Variants in MEF2A observed in about 807,000 individuals in gnomAD.
The protein encoded by MEF2A is myocyte enhancer factor 2A, also known as myocyte-specific enhancer factor 2A.
In MEF2A, 28 loss-of-function variants were observed where a neutral mutation model predicts 55.8. The observed-to-expected ratio is 0.50, with a 90% CI of 0.37 to 0.69. The LOEUF (loss-of-function observed/expected upper bound fraction) is 0.69, where lower values mean the gene tolerates loss of function less well. Among genes scored for constraint, MEF2A ranks in the 30% least tolerant of loss-of-function variants. The pLI, the probability that MEF2A is intolerant of heterozygous loss-of-function variation, is 0.00. For missense variants in MEF2A, 528 were observed against 626.2 expected (o/e 0.84, Z 1.67); for synonymous variants, 239 against 227.1 (o/e 1.05, Z -0.47).
At chr15:99,589,185 G>A (rs764056948) in intron 1 of MEF2A, among the ~76,000 whole-genome samples, 1 of 152,170 alleles carries the variant, frequency 6.6e-6, no homozygotes, top group Non-Finnish European at 1.5e-5. Context: ...AACCATCTTG[G>A]TTTGGAGTTT....
chr15:99,593,748 C>T (rs909473747), intron 1 of MEF2A, among the ~76,000 whole-genome samples: 1 of 152,142 alleles, frequency 6.6e-6, no homozygotes, highest in Admixed American at 6.5e-5. Context: ...TTCATTTAAC[C>T]ATTCCTACTA....
intron 1 of MEF2A, among the ~76,000 whole-genome samples, chr15:99,595,552 T>C (rs1970862442): frequency 6.6e-6 from 1 of 152,158 alleles, no homozygotes; most frequent in Middle Eastern, 3.2e-3. Flanking sequence ...TAGTAAAAAT[T>C]TTCCAAATGA....
At chr15:99,711,160 C>CT (rs973297459) in intron 11 of MEF2A, among the ~76,000 whole-genome samples, 2 of 152,234 alleles carry the variant, frequency 1.3e-5, no homozygotes, top group African/African-American at 4.8e-5. Context: ...GAAAGGCAGC[C>CT]TGTAGGCATT....
At chr15:99,570,289 C>G (rs1191754587) in intron 1 of MEF2A, among the ~76,000 whole-genome samples, 1 of 152,000 alleles carries the variant, frequency 6.6e-6, no homozygotes, top group Non-Finnish European at 1.5e-5. Flanking sequence ...AAATACCAAC[C>G]CGGGCATGTC....
chr15:99,678,815 A>G (rs1388415185), intron 7 of MEF2A: 6 of 382,784 alleles, frequency 1.6e-5, no homozygotes, highest in Non-Finnish European at 2.2e-5. Context: ...AGCACTGTAA[A>G]GAGAGTAAAA....
At chr15:99,583,258 G>A (rs34222295) in intron 1 of MEF2A, among the ~76,000 whole-genome samples, 9,150 of 152,148 alleles carry the variant, frequency 0.06, 351 homozygotes, top group East Asian at 0.17. Flanking sequence ...TTTAGAGTTT[G>A]CATTCCTCAA....
chr15:99,635,942 T>A (rs2043738165), intron 3 of MEF2A, among the ~76,000 whole-genome samples: 1 of 152,214 alleles, frequency 6.6e-6, no homozygotes, highest in African/African-American at 2.4e-5. Flanking sequence ...GTGCGGTTGC[T>A]GAGTCATAAG....
chr15:99,618,992 A>G (rs2040681005), intron 2 of MEF2A, among the ~76,000 whole-genome samples: 1 of 152,230 alleles, frequency 6.6e-6, no homozygotes, highest in Non-Finnish European at 1.5e-5. Context: ...CTACATTCCA[A>G]AGTATGAGCA....
intron 1 of MEF2A, among the ~76,000 whole-genome samples, chr15:99,589,305 C>G (rs1968468949): frequency 6.6e-6 from 1 of 152,148 alleles, no homozygotes; most frequent in African/African-American, 2.4e-5. Context: ...GAAATTTTGT[C>G]TACTTAAGTT....
At chr15:99,632,412 A>T (rs952830663) in intron 2 of MEF2A, among the ~76,000 whole-genome samples, 2 of 152,214 alleles carry the variant, frequency 1.3e-5, no homozygotes, top group African/African-American at 4.8e-5. Flanking sequence ...GAATTTGAAA[A>T]GACAGATTGG....
chr15:99,575,407 T>A (rs1253617112), intron 1 of MEF2A, among the ~76,000 whole-genome samples: 1 of 152,226 alleles, frequency 6.6e-6, no homozygotes, highest in Non-Finnish European at 1.5e-5. Flanking sequence ...TCCATCAGTT[T>A]GGATTTGTCC....
At chr15:99,573,762 A>G (rs1001843522) in intron 1 of MEF2A, among the ~76,000 whole-genome samples, 4 of 152,244 alleles carry the variant, frequency 2.6e-5, no homozygotes, top group Non-Finnish European at 5.9e-5. Context: ...TGTAGCCAAC[A>G]TTAGGAACCC....
chr15:99,616,678 A>AAT (rs150640226), intron 2 of MEF2A, among the ~76,000 whole-genome samples: 5,558 of 150,830 alleles, frequency 0.037, 140 homozygotes, highest in Middle Eastern at 0.082. Context: ...TACTAAAATA[A>AAT]ATATATATAT....
chr15:99,648,792 T>G (rs2046385018), intron 4 of MEF2A, among the ~76,000 whole-genome samples: 2 of 152,148 alleles, frequency 1.3e-5, no homozygotes, highest in Non-Finnish European at 2.9e-5. Flanking sequence ...ACAAGCCCTT[T>G]GAGGATGTGC....
intron 2 of MEF2A, among the ~76,000 whole-genome samples, chr15:99,628,062 T>C (rs777994036): frequency 1.6e-4 from 25 of 152,222 alleles, no homozygotes; most frequent in Non-Finnish European, 2.5e-4. Flanking sequence ...TGGTTATGGT[T>C]TTTGCACAGA....
chr15:99,589,179 A>G (rs1968425703), intron 1 of MEF2A, among the ~76,000 whole-genome samples: 2 of 152,328 alleles, frequency 1.3e-5, no homozygotes, highest in Middle Eastern at 3.4e-3. Flanking sequence ...TAGTGAAACC[A>G]TCTTGGTTTG....
At chr15:99,690,203 A>G in intron 7 of MEF2A, 38 bp from the exon 8 acceptor site, 1 of 1,582,078 alleles carries the variant, frequency 6.3e-7, no homozygotes, top group Non-Finnish European at 8.6e-7. Flanking sequence ...TATTTTAATA[A>G]CTCTTCTCAC....
chr15:99,662,737 C>G (rs1420621695), intron 4 of MEF2A, among the ~76,000 whole-genome samples: 1 of 152,182 alleles, frequency 6.6e-6, no homozygotes, highest in East Asian at 1.9e-4. Flanking sequence ...CTCTGCCTCC[C>G]AAAGTGCTAG....
chr15:99,651,434 A>T (rs2046831489), intron 4 of MEF2A, among the ~76,000 whole-genome samples: 1 of 152,136 alleles, frequency 6.6e-6, no homozygotes, highest in Admixed American at 6.5e-5. Flanking sequence ...ACAGACAGGG[A>T]GTATTTAAGA....
Sources: allele counts gnomAD v4.1 joint callset (sites outside exome capture counted in the v4.1 genomes callset), GRCh38; gene constraint gnomAD v4.1.1; transcripts MANE v1.5; gene names NCBI Gene and HGNC (gene_info 2026-07-23, HGNC 2026-07-21).